The following ERBIN variants were observed in gnomAD, a reference collection of about 807,000 sequenced individuals.
The protein encoded by ERBIN is erbb2 interacting protein, also known as densin-180-like protein.
A neutral mutation model predicts 158.4 loss-of-function variants in ERBIN; 60 were observed. The observed-to-expected ratio is 0.38, with a 90% CI of 0.31 to 0.47. The LOEUF is 0.47. Among genes scored for constraint, ERBIN ranks in the 20% least tolerant of loss-of-function variants. ERBIN has a pLI of 0.99. For missense variants in ERBIN, 1,610 were observed against 1,648.0 expected, an observed-to-expected ratio of 0.98 and a Z score of 0.40; for synonymous variants, 594 against 557.2, an observed-to-expected ratio of 1.07 and a Z score of -0.93.
At position 66,012,899 on chromosome 5, in the gene ERBIN, T is replaced by G. The variant is rs1754358697; in HGVS notation, c.387-650T>G. ...GTTTTTTCTTTTCATTTGCTTATTATAAAATCGTATAATCTTAAAATTATT... is the reference window on the plus strand; with the variant it reads ...GTTTTTTCTTTTCATTTGCTTATTAGAAAATCGTATAATCTTAAAATTATT... On this transcript the variant is annotated intron_variant, in intron 5 of 25. Coordinates refer to ENST00000284037, the MANE Select transcript of ERBIN (RefSeq NM_001253697.2). 2.6e-5 allele frequency among the ~76,000 whole-genome samples: 4 copies of G among 152,230 alleles called. No individual in the cohort carries two copies. In the South Asian group the frequency reaches 8.3e-4, roughly 31 times the overall value.
chr5:66,004,278 A>G (rs1753328661), intron 4 of ERBIN, among the ~76,000 whole-genome samples: 1 of 152,120 alleles, frequency 6.6e-6, no homozygotes, highest in African/African-American at 2.4e-5. Flanking sequence ...AGTATACGTC[A>G]AAGAAGAAGC....
chr5:66,009,547 T>C (rs1454393804), intron 4 of ERBIN, among the ~76,000 whole-genome samples: 1 of 152,138 alleles, frequency 6.6e-6, no homozygotes, highest in East Asian at 1.9e-4. Context: ...TGCCATAAAA[T>C]GCATAATTGA....
At chr5:66,025,052 C>T (rs576021873) in intron 10 of ERBIN, among the ~76,000 whole-genome samples, 1 of 152,130 alleles carries the variant, frequency 6.6e-6, no homozygotes, top group Non-Finnish European at 1.5e-5. Context: ...AAATATTTTA[C>T]TGTTTTAGTA....
intron 1 of ERBIN, among the ~76,000 whole-genome samples, chr5:65,987,975 T>A (rs1411838181): frequency 6.6e-6 from 1 of 152,230 alleles, no homozygotes; most frequent in African/African-American, 2.4e-5. Flanking sequence ...AAGTTATTTC[T>A]CAGTAAGTTC....
At chr5:65,980,577 C>T (rs373515483) in intron 1 of ERBIN, among the ~76,000 whole-genome samples, 2 of 152,254 alleles carry the variant, frequency 1.3e-5, no homozygotes, top group East Asian at 1.9e-4. Flanking sequence ...CATTATGCTT[C>T]CTACAAATGG....
intron 1 of ERBIN, among the ~76,000 whole-genome samples, chr5:65,952,712 C>T (rs934073532): frequency 6.6e-6 from 1 of 152,048 alleles, no homozygotes; most frequent in African/African-American, 2.4e-5. Flanking sequence ...TTTACAGATA[C>T]CTTGTATATT....
Position 66,043,066 on chromosome 5 carries a change from CTT to C in ERBIN, c.1307-8_1307-7del, listed in dbSNP as rs760960065. 1 of 1,565,830 alleles carries C rather than the reference CTT, an allele frequency of 6.4e-7. No individual in the cohort carries two copies. The highest frequency in any genetic ancestry group is 1.2e-5 in the South Asian group (1 of 86,144). On this transcript the variant is annotated splice_polypyrimidine_tract_variant and intron_variant, in intron 15 of 25. Transcript: ENST00000284037. ...AAATATAGTAGGTTTTTGTTTTTTA[CTT>C]TTCTCTAGTTATGTTTATATCAGAT...
chr5:65,940,705 CCCCCGCCCGGCCAGCCG>C (rs1294732174), intron 1 of ERBIN, among the ~76,000 whole-genome samples: 1 of 148,694 alleles, frequency 6.7e-6, no homozygotes, highest in Non-Finnish European at 1.5e-5. Context: ...GGGGGTCAGC[CCCCCGCCCGGCCAGCCG>C]CCCCGTCCGG....
intron 1 of ERBIN, among the ~76,000 whole-genome samples, chr5:65,956,514 C>G (rs528810675): frequency 6.6e-6 from 1 of 150,598 alleles, no homozygotes; most frequent in African/African-American, 2.4e-5. Context: ...TGCAGACACT[C>G]GCCACCACAC....
rs1413078720 is a variant in ERBIN at position 66,072,254 on chromosome 5, T to A, written c.3719T>A (p.Leu1240His). 6.4e-7 allele frequency: 1 copy of A among 1,550,428 alleles called. No individual in the cohort carries two copies. Among genetic ancestry groups the A allele is most frequent in the Non-Finnish European group, 8.7e-7 (1 of 1,146,920 alleles). Residue 1240 changes from leucine to histidine, a missense_variant, in exon 22 of 26, where the codon CTT becomes CAT. Leu to His is a moderately conservative substitution (Grantham distance 99, BLOSUM62 -3). Around this residue, in one of 2 missense-constraint regions of ERBIN, gnomAD observed 1,014 missense variants for 936.1 expected, o/e 1.08. Transcript: ENST00000284037. ...SGQQNYSSAT[L>H]SHKDVPPDSL... ...CAGCAGAACTACTCATCAGCCACAC[T>A]TAGTCACAAAGATGTTCCTCCAGAC...
intron 7 of ERBIN, 48 bp from the exon 8 acceptor site, chr5:66,021,274 G>A: frequency 8.2e-7 from 1 of 1,224,386 alleles, no homozygotes; most frequent in Non-Finnish European, 1.2e-6. Context: ...AAGCTTCCAT[G>A]TAATTGATAT....
At chr5:66,008,350 C>T (rs796350836) in intron 4 of ERBIN, among the ~76,000 whole-genome samples, 9 of 152,152 alleles carry the variant, frequency 5.9e-5, no homozygotes, top group South Asian at 2.1e-4. Flanking sequence ...ATACGGGAGG[C>T]GGAGCTTGCA....
intron 7 of ERBIN, among the ~76,000 whole-genome samples, chr5:66,020,101 A>C (rs918644815): frequency 5.3e-4 from 80 of 152,088 alleles, no homozygotes; most frequent in Admixed American, 5.2e-3. Flanking sequence ...ATGGTACCTG[A>C]GAATAGGCAC....
intron 13 of ERBIN, among the ~76,000 whole-genome samples, chr5:66,026,911 A>G (rs1017169549): frequency 6.6e-6 from 1 of 152,028 alleles, no homozygotes; most frequent in Non-Finnish European, 1.5e-5. Flanking sequence ...CAATTTTGGA[A>G]TGTATCTAGT....
rs1759464197 is a variant in ERBIN at position 66,055,153 on chromosome 5, C to T, written c.3633+202C>T. On this transcript the variant is annotated intron_variant, in intron 21 of 25. Coordinates refer to ENST00000284037, the MANE Select transcript of ERBIN (RefSeq NM_001253697.2). ...TGTGTTTCTATCCTCTCCTTCACTC[C>T]CCACTGTTTCTAACAAAAATGTATT... is the stretch of plus-strand genomic sequence containing the variant. The T allele has an allele frequency of 2.8e-5, 35 of 1,261,808 alleles. No individual in the cohort carries two copies. In the South Asian group the frequency reaches 8.1e-4, roughly 29 times the overall value. The allele number at this position is 1,261,808 out of a possible 1,614,324, so 78.2% of individuals were successfully genotyped here. A position where few individuals can be genotyped will look rare whatever the true frequency, so the allele number is the denominator to read the frequency against.
At chr5:66,034,088 C>G (rs1256750392) in intron 14 of ERBIN, among the ~76,000 whole-genome samples, 3 of 148,962 alleles carry the variant, frequency 2.0e-5, no homozygotes, top group Non-Finnish European at 4.4e-5. Context: ...CACACTGTAG[C>G]CTGGGTGACA....
At chr5:66,058,742 C>A in intron 21 of ERBIN, among the ~76,000 whole-genome samples, 1 of 148,904 alleles carries the variant, frequency 6.7e-6, no homozygotes, top group East Asian at 1.9e-4. Context: ...CCAGTTTCAG[C>A]TTTCTCCATA....
At chr5:66,051,907 A>AAG (rs1554065280) in intron 20 of ERBIN, among the ~76,000 whole-genome samples, 1 of 148,770 alleles carries the variant, frequency 6.7e-6, no homozygotes, top group African/African-American at 2.6e-5. Context: ...AAAAAAAAAA[A>AAG]AGAGACAGAT....
chr5:66,076,472 A>G, intron 24 of ERBIN, 64 bp downstream of exon 24: 1 of 1,210,220 alleles, frequency 8.3e-7, no homozygotes, highest in African/African-American at 1.5e-5. Context: ...GAATACTTAA[A>G]TGTAAGTGAA....
Sources: gnomAD v4.1 joint callset for allele counts (sites outside exome capture counted in the v4.1 genomes callset) on GRCh38, gnomAD v4.1.1 for gene constraint, gnomAD v4.1.1 regional missense constraint, MANE v1.5 for transcripts, NCBI Gene and HGNC (gene_info 2026-07-23, HGNC 2026-07-21) for gene names.